The following SH3BP5 variants were observed in gnomAD, a reference collection of about 807,000 sequenced individuals.
SH3BP5 encodes SH3 domain-binding protein 5.
A neutral mutation model predicts 43.3 loss-of-function variants in SH3BP5; 22 were observed. The ratio of observed to expected loss-of-function variants is 0.51; its 90% CI spans 0.36 to 0.73. SH3BP5 has a LOEUF of 0.73. Ranked by LOEUF, SH3BP5 falls within the 30% of genes least tolerant of loss-of-function variation. SH3BP5 has a pLI of 0.00. For synonymous variants in SH3BP5, 255 were observed against 225.8 expected (o/e 1.13, Z -1.16); for missense variants, 529 against 586.9 (o/e 0.90, Z 1.02).
At chr3:15,311,858 G>C (rs1373123318) in intron 2 of SH3BP5, among the ~76,000 whole-genome samples, 1 of 152,062 alleles carries the variant, frequency 6.6e-6, no homozygotes, top group African/African-American at 2.4e-5. Flanking sequence ...ATTTTTTGTA[G>C]AGATGAGGTC....
chr3:15,270,606 C>T (rs1194065656), intron 3 of SH3BP5, among the ~76,000 whole-genome samples: 1 of 152,110 alleles, frequency 6.6e-6, no homozygotes, highest in African/African-American at 2.4e-5. Context: ...TAGAGCTGCC[C>T]CCACTACATG....
chr3:15,259,602 C>A, intron 6 of SH3BP5, 159 bp downstream of exon 6: 5 of 782,718 alleles, frequency 6.4e-6, no homozygotes, highest in Non-Finnish European at 1.2e-5. Flanking sequence ...CCACTGAAGA[C>A]CCAACCGAGA....
chr3:15,283,310 A>AT, intron 3 of SH3BP5, among the ~76,000 whole-genome samples: 8 of 152,266 alleles, frequency 5.3e-5, no homozygotes, highest in African/African-American at 1.9e-4. Flanking sequence ...AGGCACGACA[A>AT]TCCTTGAACC....
At chr3:15,302,173 T>C (rs1027811987) in intron 3 of SH3BP5, among the ~76,000 whole-genome samples, 1 of 152,236 alleles carries the variant, frequency 6.6e-6, no homozygotes, top group South Asian at 2.1e-4. Context: ...CTACAGTGGG[T>C]AGGACACATC....
intron 3 of SH3BP5, among the ~76,000 whole-genome samples, chr3:15,290,394 C>T (rs1697378688): frequency 6.6e-6 from 1 of 151,962 alleles, no homozygotes; most frequent in Non-Finnish European, 1.5e-5. Context: ...GGCATGGTGG[C>T]TCACGTCTGT....
At chr3:15,283,138 C>G (rs1697172890) in intron 3 of SH3BP5, among the ~76,000 whole-genome samples, 1 of 152,224 alleles carries the variant, frequency 6.6e-6, no homozygotes, top group African/African-American at 2.4e-5. Flanking sequence ...TGGCTCACGC[C>G]TGTAATCTCA....
In SH3BP5 at chr3:15,294,325, G is replaced by GTA. The variant is rs1553616725; in HGVS notation, c.330+9777_330+9778insTA. 8.4e-3 allele frequency among the ~76,000 whole-genome samples: 1,194 copies of GTA among 142,914 alleles called. 62 individuals are homozygous for GTA. Among genetic ancestry groups the GTA allele is most frequent in the African/African-American group, 0.021 (734 of 35,072 alleles). The allele number at this position is 142,914 out of a possible 152,430, so 93.8% of individuals were successfully genotyped here. Reference sequence around the variant, plus strand: ...TGTGTGTGTGTGTGTGTGTGTGTGTGTGTGTGCGCGCGCATGTTTACGTAA... The same window carrying GTA: ...TGTGTGTGTGTGTGTGTGTGTGTGTGTATGTGTGCGCGCGCATGTTTACGTAA... On this transcript the variant is annotated intron_variant, in intron 3 of 8. Coordinates refer to ENST00000383791, the MANE Select transcript of SH3BP5 (RefSeq NM_004844.5).
At chr3:15,325,746 G>A (rs577775905) in intron 2 of SH3BP5, among the ~76,000 whole-genome samples, 2 of 152,330 alleles carry the variant, frequency 1.3e-5, no homozygotes, top group African/African-American at 4.8e-5. Context: ...CTGGTCAGGC[G>A]CAGTGGCTCA....
chr3:15,298,800 G>C (rs1697649985), intron 3 of SH3BP5, among the ~76,000 whole-genome samples: 1 of 152,174 alleles, frequency 6.6e-6, no homozygotes, highest in Non-Finnish European at 1.5e-5. Context: ...GAGCTTGGGA[G>C]AGGGGAGGAT....
chr3:15,302,833 C>T (rs1240984292), intron 3 of SH3BP5, among the ~76,000 whole-genome samples: 4 of 150,586 alleles, frequency 2.7e-5, no homozygotes, highest in South Asian at 2.1e-4. Context: ...TTCTGAGACA[C>T]ATTTGTGCTC....
At position 15,318,851 on chromosome 3, in the gene SH3BP5, C is replaced by T. The variant is rs564201409; in HGVS notation, c.201+11653G>A. ...CCTCCCAAACTACTGGGATTATGGG[C>T]GTGAGCCACTGCGCCCAGCCTCCTA... On this transcript the variant is annotated intron_variant, in intron 2 of 8. Transcript: ENST00000383791. Among the ~76,000 whole-genome samples, 16 of 152,342 alleles carry T rather than the reference C, an allele frequency of 1.1e-4. No individual in the cohort carries two copies. The East Asian group carries it at 2.3e-3, about 22-fold the overall frequency.
At chr3:15,330,714 G>T in intron 1 of SH3BP5, 148 bp from the exon 2 acceptor site, 2 of 1,398,530 alleles carry the variant, frequency 1.4e-6, no homozygotes, top group Non-Finnish European at 9.3e-7. Context: ...AACAGTTGAG[G>T]CTTGACTAGA....
upstream of SH3BP5, chr3:15,333,004 G>C: frequency 1.3e-6 from 1 of 778,430 alleles, no homozygotes; most frequent in African/African-American, 1.9e-5. Flanking sequence ...GAATGGCGGA[G>C]GTTCCGTGCA....
chr3:15,260,246 C>G, intron 5 of SH3BP5: 1 of 184,954 alleles, frequency 5.4e-6, no homozygotes, highest in Admixed American at 5.3e-5. Context: ...CTACTGAAGT[C>G]AACTGGGGAA....
At chr3:15,293,529 G>A (rs1697472768) in intron 3 of SH3BP5, among the ~76,000 whole-genome samples, 1 of 152,234 alleles carries the variant, frequency 6.6e-6, no homozygotes, top group Non-Finnish European at 1.5e-5. Context: ...CCCTAGCCAA[G>A]AAGAGGCAGG....
chr3:15,262,075 C>T, intron 5 of SH3BP5, 84 bp downstream of exon 5: 2 of 1,539,298 alleles, frequency 1.3e-6, no homozygotes, highest in Non-Finnish European at 1.8e-6. Flanking sequence ...CAGGGTGGTC[C>T]TTGAGTGTGT....
chr3:15,325,156 A>G (rs11128743), intron 2 of SH3BP5, among the ~76,000 whole-genome samples: 4 of 152,150 alleles, frequency 2.6e-5, no homozygotes, highest in African/African-American at 9.7e-5. Context: ...AAATATTACA[A>G]ATCTTTATTC....
rs934486703 is a variant in SH3BP5 at position 15,332,561 on chromosome 3, A to G, written c.-153T>C. Reference sequence around the variant, plus strand: ...CGGGAGACGCAGCTCGCCGATGCGGATACCTCCGGCCGCGGCGGAGCAGAG... The same window carrying G: ...CGGGAGACGCAGCTCGCCGATGCGGGTACCTCCGGCCGCGGCGGAGCAGAG... On this transcript the variant is annotated 5_prime_UTR_variant, in exon 1 of 9. Transcript: ENST00000383791. 3 of 1,231,434 alleles carry G rather than the reference A, an allele frequency of 2.4e-6. No individual in the cohort carries two copies. In the African/African-American group the frequency reaches 4.7e-5, roughly 19 times the overall value. The allele number at this position is 1,231,434 out of a possible 1,614,324, so 76.3% of individuals were successfully genotyped here. A position where few individuals can be genotyped will look rare whatever the true frequency, so the allele number is the denominator to read the frequency against.
At chr3:15,259,484 A>G (rs1475464898) in intron 6 of SH3BP5, 8 of 565,678 alleles carry the variant, frequency 1.4e-5, no homozygotes, top group Non-Finnish European at 2.5e-5. Context: ...CTGGTCTATC[A>G]GGTCTCCAGG....
Sources: gnomAD v4.1 joint callset for allele counts (sites outside exome capture counted in the v4.1 genomes callset) on GRCh38, gnomAD v4.1.1 for gene constraint, MANE v1.5 for transcripts, NCBI Gene and HGNC (gene_info 2026-07-23, HGNC 2026-07-21) for gene names.